Variants in TRIM5 observed in about 807,000 individuals in gnomAD.
TRIM5 encodes the protein tripartite motif containing 5, also known as tripartite motif-containing protein 5.
Under a neutral mutation model 35.6 loss-of-function variants are expected in TRIM5, and 31 were observed. The observed-to-expected ratio is 0.87, with a 90% CI of 0.65 to 1.18. The LOEUF (loss-of-function observed/expected upper bound fraction) is 1.18, where lower values mean the gene tolerates loss of function less well. Ranked by LOEUF, TRIM5 falls within the 50% of genes most tolerant of loss-of-function variation. The probability of loss-of-function intolerance (pLI) is 0.00; values close to 1 mark genes in which losing one functional copy is unlikely to be tolerated. For synonymous variants in TRIM5, 243 were observed against 215.6 expected, an observed-to-expected ratio of 1.13 and a Z score of -1.11; for missense variants, 609 against 591.6, an observed-to-expected ratio of 1.03 and a Z score of -0.31.
chr11:5,665,128 T>C lies in TRIM5; in HGVS notation c.1163A>G (p.Glu388Gly). 6.2e-7 allele frequency: 1 copy of C among 1,614,092 alleles called. No homozygotes were observed. Among genetic ancestry groups the C allele is most frequent in the Non-Finnish European group, 8.5e-7 (1 of 1,180,022 alleles). The change falls in exon 8 of 8, where the codon GAA (glutamate) becomes GGA (glycine). Residue 388 changes from glutamate to glycine, a missense_variant. By Grantham distance (98) the Glu-to-Gly change is moderately conservative. Coordinates refer to ENST00000380034, the MANE Select transcript of TRIM5 (RefSeq NM_033034.3). ...GFQPDAMCNI[E>G]KNENYQPKYG... ...TTTAGGTTGATAATTTTCATTTTTT[T>C]CAATATTACACATTGCATCAGGTTG...
chr11:5,660,984 G>A (rs1416703353), downstream of TRIM5, among the ~76,000 whole-genome samples: 3 of 132,768 alleles, frequency 2.3e-5, no homozygotes, highest in South Asian at 5.1e-4. Context: ...GGAGGTTGCA[G>A]TGAGCCGAAA....
At chr11:5,636,462 G>T in the TRIM5 span, among the ~76,000 whole-genome samples, 1 of 152,154 alleles carries the variant, frequency 6.6e-6, no homozygotes, top group Non-Finnish European at 1.5e-5. Flanking sequence ...ACTACATCGT[G>T]AATATTTTAA....
chr11:5,610,582 CT>C, the TRIM5 span: 1 of 1,609,682 alleles, frequency 6.2e-7, no homozygotes, highest in Non-Finnish European at 8.5e-7. Flanking sequence ...GCCATGGCCT[CT>C]TTGGGCTGGC....
intron 4 of TRIM5, chr11:5,677,968 G>T (rs771002806): frequency 5.0e-6 from 2 of 397,640 alleles, no homozygotes; most frequent in Non-Finnish European, 9.0e-6. Flanking sequence ...CATGACTAGA[G>T]CTAATTGATC....
chr11:5,639,772 T>C, the TRIM5 span, among the ~76,000 whole-genome samples: 2 of 150,288 alleles, frequency 1.3e-5, no homozygotes, highest in Admixed American at 6.6e-5. Flanking sequence ...CATAAGACTA[T>C]GTCATCTGTA....
the TRIM5 span, among the ~76,000 whole-genome samples, chr11:5,635,319 G>A: frequency 3.1e-4 from 46 of 147,708 alleles, 1 homozygote; most frequent in East Asian, 7.6e-3. Flanking sequence ...GCAGTGGTGC[G>A]ATCTCGGCTC....
chr11:5,630,406 C>G, the TRIM5 span, among the ~76,000 whole-genome samples: 3 of 152,250 alleles, frequency 2.0e-5, no homozygotes, highest in Admixed American at 2.0e-4. Context: ...CCATCCCTGC[C>G]CCCACCTCCT....
rs551170224 is a variant in TRIM5, at chr11:5,683,119, C to G, written c.-62+1749G>C. On this transcript the variant is annotated intron_variant, in intron 1 of 7. Transcript: ENST00000380034. ...GCAGCTGCTGTGCTCAATTTCTCGC[C>G]GGGCCTTAGCTGCCTCCCCGCGGGG... Among the ~76,000 whole-genome samples, 8 of 152,344 alleles carry G rather than the reference C, an allele frequency of 5.3e-5. No individual in the cohort carries two copies. The South Asian group carries it at 8.3e-4, about 16-fold the overall frequency.
At chr11:5,610,615 T>A in the TRIM5 span, 1 of 1,593,322 alleles carries the variant, frequency 6.3e-7, no homozygotes, top group African/African-American at 1.3e-5. Flanking sequence ...TCCTTTCACA[T>A]GCCCTCCCCA....
Position 5,678,272 on chromosome 11 carries a change from G to C in TRIM5, c.676C>G (p.Gln226Glu). The C allele has an allele frequency of 6.2e-7, 1 of 1,614,122 alleles. No individual in the cohort carries two copies. The highest frequency in any genetic ancestry group is 8.5e-7 in the Non-Finnish European group (1 of 1,179,970). The part of the protein sequence containing the change: ...NSETEMVQQT[Q>E]SLRELISDLE... ...TCTGAGATGAGCTCTCTCAGGGACT[G>C]GGTCTGCTGCACCATCTCAGTTTCA... Residue 226 changes from glutamine to glutamate, a missense_variant, in exon 4 of 8, where the codon CAG (glutamine) becomes GAG (glutamate). Physicochemically the swap from Gln to Glu is conservative, Grantham distance 29 (BLOSUM62 2). Transcript: ENST00000380034.
the TRIM5 span, among the ~76,000 whole-genome samples, chr11:5,600,205 G>A: frequency 6.6e-6 from 1 of 152,156 alleles, no homozygotes; most frequent in Non-Finnish European, 1.5e-5. Flanking sequence ...CTGCGTATCT[G>A]CATTCAACAC....
chr11:5,643,137 C>A, the TRIM5 span: 3 of 1,180,834 alleles, frequency 2.5e-6, no homozygotes, highest in Non-Finnish European at 3.3e-6. Context: ...TTTTTTTTTT[C>A]TTGCAGTGGA....
chr11:5,630,970 G>A, the TRIM5 span, among the ~76,000 whole-genome samples: 1 of 152,206 alleles, frequency 6.6e-6, no homozygotes. Flanking sequence ...ATTAGTGGAT[G>A]TGGATTTAAC....
chr11:5,601,204 T>A, the TRIM5 span, among the ~76,000 whole-genome samples: 3 of 152,214 alleles, frequency 2.0e-5, no homozygotes, highest in Non-Finnish European at 4.4e-5. Flanking sequence ...TGCCTGACTT[T>A]CACAGCCTTT....
chr11:5,624,863 T>C, the TRIM5 span: 1 of 152,212 alleles, frequency 6.6e-6, no homozygotes, highest in South Asian at 2.1e-4. Flanking sequence ...CACAGCTCAT[T>C]TCACCTAGAC....
the TRIM5 span, among the ~76,000 whole-genome samples, chr11:5,608,806 A>G: frequency 6.8e-6 from 1 of 147,168 alleles, no homozygotes; most frequent in Non-Finnish European, 1.5e-5. Context: ...TCTTAAGTTT[A>G]TAGTTACCTC....
At chr11:5,654,280 T>C in the TRIM5 span, among the ~76,000 whole-genome samples, 1 of 152,236 alleles carries the variant, frequency 6.6e-6, no homozygotes, top group East Asian at 1.9e-4. Context: ...AATAGTCATT[T>C]CTTCCAGTTT....
At chr11:5,593,751 CCCTGAGTCTAGAACTGCAGCAGTGGGT>C in the TRIM5 span, among the ~76,000 whole-genome samples, 1 of 152,154 alleles carries the variant, frequency 6.6e-6, no homozygotes, top group Non-Finnish European at 1.5e-5. Flanking sequence ...GTTGATACCA[CCCTGAGTCTAGAACTGCAGCAGTGGGT>C]CCTGAGTCTA....
At chr11:5,631,886 A>G in the TRIM5 span, among the ~76,000 whole-genome samples, 1 of 152,196 alleles carries the variant, frequency 6.6e-6, no homozygotes, top group East Asian at 1.9e-4. Context: ...GTGGACATTT[A>G]AAAATAGATA....
Sources: allele counts gnomAD v4.1 joint callset (sites outside exome capture counted in the v4.1 genomes callset), GRCh38; gene constraint gnomAD v4.1.1; transcripts MANE v1.5; gene names NCBI Gene and HGNC (gene_info 2026-07-23, HGNC 2026-07-21).